Variants in FBXW8 observed in about 807,000 individuals in gnomAD.
The protein encoded by FBXW8 is F-box/WD repeat-containing protein 8.
In FBXW8, 57 loss-of-function variants were observed where a neutral mutation model predicts 65.3. The ratio of observed to expected loss-of-function variants is 0.87; its 90% CI spans 0.71 to 1.09. The LOEUF (loss-of-function observed/expected upper bound fraction) is 1.09, where lower values mean the gene tolerates loss of function less well. Among genes scored for constraint, FBXW8 ranks in the 50% least tolerant of loss-of-function variants. The pLI, the probability that FBXW8 is intolerant of heterozygous loss-of-function variation, is 0.00. For missense variants in FBXW8, 777 were observed against 814.8 expected (o/e 0.95, Z 0.57); for synonymous variants, 308 against 330.2 (o/e 0.93, Z 0.73).
intron 9 of FBXW8, among the ~76,000 whole-genome samples, chr12:117,026,563 C>G (rs1954233806): frequency 6.6e-6 from 1 of 152,116 alleles, no homozygotes; most frequent in Non-Finnish European, 1.5e-5. Context: ...GGAGAGCAGC[C>G]CTGGCCCAGC....
At chr12:116,928,533 C>A (rs4767474) in intron 2 of FBXW8, among the ~76,000 whole-genome samples, 102,704 of 152,130 alleles carry the variant, frequency 0.68, 39,673 homozygotes, top group Non-Finnish European at 0.84. Flanking sequence ...GAGGACAGAA[C>A]ATGTTTTAGG....
chr12:116,937,417 A>G (rs1296924679), intron 2 of FBXW8, among the ~76,000 whole-genome samples: 2 of 152,218 alleles, frequency 1.3e-5, no homozygotes, highest in Non-Finnish European at 2.9e-5. Context: ...GAGGCCGTGG[A>G]CATGAGCAGG....
chr12:116,966,769 C>T (rs1884352623), intron 5 of FBXW8, among the ~76,000 whole-genome samples: 1 of 151,926 alleles, frequency 6.6e-6, no homozygotes, highest in Non-Finnish European at 1.5e-5. Flanking sequence ...GGCTGGAGTG[C>T]AGTGGCACCA....
chr12:116,934,639 A>C (rs1157684926), intron 2 of FBXW8, among the ~76,000 whole-genome samples: 2 of 152,214 alleles, frequency 1.3e-5, no homozygotes, highest in Non-Finnish European at 2.9e-5. Context: ...TTTAAAAATT[A>C]TTATAAATTC....
intron 7 of FBXW8, among the ~76,000 whole-genome samples, chr12:117,003,876 T>A (rs761016456): frequency 6.6e-6 from 1 of 152,236 alleles, no homozygotes; most frequent in South Asian, 2.1e-4. Context: ...TTTAATTTTC[T>A]GTGGTTTCAT....
chr12:117,028,415 A>G lies in FBXW8; in HGVS notation c.*243A>G. 1 of 546,124 alleles carries G rather than the reference A, an allele frequency of 1.8e-6. No homozygotes were observed. The highest frequency in any genetic ancestry group is 3.3e-6 in the Non-Finnish European group (1 of 305,940). 33.8% of individuals were successfully genotyped at this position (546,124 alleles called of 1,614,324 possible). On this transcript the variant is annotated 3_prime_UTR_variant, in exon 11 of 11. Transcript: ENST00000652555. This position sits in a 1 kb window ranked among gnomAD's most constrained non-coding sequence, Gnocchi z 4.1. ...TCAAACATAGCCTCCTTCCCCACCC[A>G]GCTGGCCACCCTGGCCTCAGCTCCC...
At position 117,029,174 on chromosome 12, in the gene FBXW8, A is replaced by G. The variant is rs1429908382; in HGVS notation, c.*1002A>G. The G allele has an allele frequency of 2.6e-5, 4 of 152,262 alleles. No homozygotes were observed. Among genetic ancestry groups the G allele is most frequent in the Non-Finnish European group, 5.9e-5 (4 of 68,078 alleles). 9.4% of individuals were successfully genotyped at this position (152,262 alleles called of 1,614,324 possible). On this transcript the variant is annotated 3_prime_UTR_variant, in exon 11 of 11. Coordinates refer to ENST00000652555, the MANE Select transcript of FBXW8 (RefSeq NM_153348.3). ...ATGCACAAAAAACCACCCTGTACGA[A>G]GGCCACAAAGAACAGCTCAGATGCA... is the stretch of plus-strand genomic sequence containing the variant.
chr12:116,919,564 A>C (rs767986510), intron 1 of FBXW8, among the ~76,000 whole-genome samples: 1 of 152,166 alleles, frequency 6.6e-6, no homozygotes, highest in Non-Finnish European at 1.5e-5. Context: ...CTTCCTCTTT[A>C]CTGAAGCTTA....
rs1012195586 is a variant in FBXW8, at chr12:116,942,978, C to T, written c.424-2386C>T. ...ATTTTTAGTAGAGATGGGGTTTCATCGTGTTAACCAGGATGGTCTGAATCT... is the reference window on the plus strand; with the variant it reads ...ATTTTTAGTAGAGATGGGGTTTCATTGTGTTAACCAGGATGGTCTGAATCT... On this transcript the variant is annotated intron_variant, in intron 2 of 10. Coordinates refer to ENST00000652555, the MANE Select transcript of FBXW8 (RefSeq NM_153348.3). Among the ~76,000 whole-genome samples, 7 of 151,974 alleles carry T rather than the reference C, an allele frequency of 4.6e-5. No individual in the cohort carries two copies. The South Asian group carries it at 1.0e-3, about 23-fold the overall frequency.
chr12:116,987,609 A>T (rs1028011031), intron 6 of FBXW8, among the ~76,000 whole-genome samples: 1 of 152,160 alleles, frequency 6.6e-6, no homozygotes, highest in African/African-American at 2.4e-5. Context: ...GGATATTTTT[A>T]ACCTTTTGGC....
chr12:117,002,256 C>T (rs1953543051), intron 7 of FBXW8, among the ~76,000 whole-genome samples: 1 of 152,258 alleles, frequency 6.6e-6, no homozygotes, highest in Non-Finnish European at 1.5e-5. Flanking sequence ...ACAGGCCTTG[C>T]CTACCCAGCG....
At chr12:116,940,411 T>G in intron 2 of FBXW8, among the ~76,000 whole-genome samples, 2 of 150,070 alleles carry the variant, frequency 1.3e-5, no homozygotes, top group African/African-American at 2.4e-5. Context: ...GGGCAGACGT[T>G]GAGGTGGGGA....
chr12:117,019,497 T>C (rs1954036600), intron 8 of FBXW8, among the ~76,000 whole-genome samples: 1 of 152,234 alleles, frequency 6.6e-6, no homozygotes, highest in Non-Finnish European at 1.5e-5. Flanking sequence ...TTCACTTGGG[T>C]TGCCTTGTCA....
At chr12:116,957,104 T>C (rs1187954039) in intron 4 of FBXW8, among the ~76,000 whole-genome samples, 1 of 152,124 alleles carries the variant, frequency 6.6e-6, no homozygotes, top group Non-Finnish European at 1.5e-5. Flanking sequence ...CCTAGCACTT[T>C]GGGAAGTCAA....
At chr12:116,951,469 G>A (rs892106337) in intron 4 of FBXW8, 1 of 152,200 alleles carries the variant, frequency 6.6e-6, no homozygotes, top group Non-Finnish European at 1.5e-5. Flanking sequence ...TAAAGAGACA[G>A]TGGCCAACTC....
chr12:116,942,478 G>A (rs1882655890), intron 2 of FBXW8, among the ~76,000 whole-genome samples: 2 of 150,224 alleles, frequency 1.3e-5, no homozygotes, highest in South Asian at 4.2e-4. Context: ...GGGTTCAAGT[G>A]ATTCTCCTGC....
chr12:116,927,591 G>T (rs771027492), intron 1 of FBXW8, among the ~76,000 whole-genome samples: 3 of 152,168 alleles, frequency 2.0e-5, no homozygotes, highest in Non-Finnish European at 4.4e-5. Flanking sequence ...TGAGAGTAGT[G>T]GTGGTTGTCC....
At chr12:116,965,906 A>G (rs1032975161) in intron 5 of FBXW8, among the ~76,000 whole-genome samples, 5 of 148,714 alleles carry the variant, frequency 3.4e-5, no homozygotes, top group African/African-American at 1.2e-4. Flanking sequence ...CTACAGGCGC[A>G]TGCCACCATG....
At chr12:116,922,448 G>T (rs1442922382) in intron 1 of FBXW8, among the ~76,000 whole-genome samples, 1 of 152,196 alleles carries the variant, frequency 6.6e-6, no homozygotes, top group Non-Finnish European at 1.5e-5. Context: ...GCTTTTCTCA[G>T]TTTCTTAAAC....
Sources: allele counts gnomAD v4.1 joint callset (sites outside exome capture counted in the v4.1 genomes callset), GRCh38; gene constraint gnomAD v4.1.1; non-coding constraint Gnocchi (gnomAD v3.1); transcripts MANE v1.5; gene names NCBI Gene and HGNC (gene_info 2026-07-23, HGNC 2026-07-21).